The following TAFA4 variants were observed in gnomAD, a reference collection of about 807,000 sequenced individuals.
TAFA4 encodes chemokine-like protein TAFA-4.
A neutral mutation model predicts 21.1 loss-of-function variants in TAFA4; 20 were observed. That is an observed-to-expected ratio of 0.95 (90% CI 0.67 to 1.38). TAFA4 has a LOEUF of 1.38. Ranked by LOEUF, TAFA4 falls within the 40% of genes most tolerant of loss-of-function variation. TAFA4 has a pLI of 0.00. For synonymous variants in TAFA4, 71 were observed against 67.4 expected, an observed-to-expected ratio of 1.05 and a Z score of -0.26; for missense variants, 211 against 180.9, an observed-to-expected ratio of 1.17 and a Z score of -0.95.
rs1438101861 is a variant in TAFA4 at position 68,732,603 on chromosome 3, G to A, written c.*539C>T. The stretch of plus-strand genomic sequence containing the variant: ...AACTATGTCCTTCTATTCTTCAAGG[G>A]TTATAAAATAAACGTTCTTTACCAG... On this transcript the variant is annotated 3_prime_UTR_variant, in exon 6 of 6. Transcript: ENST00000295569. 6.5e-6 allele frequency: 1 copy of A among 152,712 alleles called. No individual in the cohort carries two copies. The highest frequency in any genetic ancestry group is 2.4e-5 in the African/African-American group (1 of 41,396). The allele number at this position is 152,712 out of a possible 1,614,324, so 9.5% of individuals were successfully genotyped here.
intron 2 of TAFA4, among the ~76,000 whole-genome samples, 188 bp downstream of exon 2, chr3:68,884,987 T>C (rs569917722): frequency 7.9e-5 from 12 of 152,366 alleles, no homozygotes; most frequent in Admixed American, 3.3e-4. Flanking sequence ...AGTACTATTT[T>C]GCAAACTGAA....
chr3:68,825,119 G>T (rs1704198404), intron 3 of TAFA4, among the ~76,000 whole-genome samples: 2 of 152,076 alleles, frequency 1.3e-5, no homozygotes, highest in Admixed American at 1.3e-4. Context: ...TTTCTTGAGG[G>T]TTTCCCTCTC....
intron 3 of TAFA4, among the ~76,000 whole-genome samples, chr3:68,807,811 T>C (rs1703735657): frequency 3.9e-5 from 6 of 152,052 alleles, no homozygotes; most frequent in Admixed American, 3.9e-4. Context: ...TTCACCAACC[T>C]AACACACCTT....
chr3:68,834,504 C>T (rs1704476529), intron 3 of TAFA4, among the ~76,000 whole-genome samples: 1 of 152,150 alleles, frequency 6.6e-6, no homozygotes, highest in African/African-American at 2.4e-5. Flanking sequence ...ATCATCATCA[C>T]CATCTTCTGT....
chr3:68,875,269 T>C (rs1271843210), intron 3 of TAFA4, among the ~76,000 whole-genome samples: 2 of 152,024 alleles, frequency 1.3e-5, no homozygotes, highest in African/African-American at 4.8e-5. Context: ...TGTTCTCATC[T>C]TTGGCTGCAG....
At chr3:68,911,969 C>G (rs1458494569) in intron 1 of TAFA4, among the ~76,000 whole-genome samples, 1 of 152,152 alleles carries the variant, frequency 6.6e-6, no homozygotes, top group African/African-American at 2.4e-5. Context: ...CCTCATAAGC[C>G]CCCTTGGATC....
chr3:68,871,461 G>A (rs1430293664), intron 3 of TAFA4, among the ~76,000 whole-genome samples: 1 of 152,078 alleles, frequency 6.6e-6, no homozygotes, highest in African/African-American at 2.4e-5. Flanking sequence ...TCTAACACCT[G>A]AAACTATGAA....
intron 3 of TAFA4, among the ~76,000 whole-genome samples, chr3:68,862,882 A>ACACAG (rs2089365040): frequency 9.9e-6 from 1 of 100,696 alleles, no homozygotes. Context: ...CACACACACA[A>ACACAG]TCATTTTGCT....
intron 3 of TAFA4, among the ~76,000 whole-genome samples, chr3:68,774,383 C>T (rs183310690): frequency 2.6e-4 from 40 of 152,152 alleles, no homozygotes; most frequent in Admixed American, 2.3e-3. Context: ...GCTCTTGAAC[C>T]GGAGGGAAAG....
intron 1 of TAFA4, among the ~76,000 whole-genome samples, chr3:68,907,142 A>G: frequency 6.6e-6 from 1 of 152,120 alleles, no homozygotes. Context: ...AAAGGTTTCA[A>G]TAACGTGATT....
intron 3 of TAFA4, among the ~76,000 whole-genome samples, chr3:68,801,887 T>A (rs1042292952): frequency 6.6e-6 from 1 of 152,146 alleles, no homozygotes; most frequent in African/African-American, 2.4e-5. Context: ...AATCCATTAA[T>A]TTGAATTTTG....
At chr3:68,909,094 G>C (rs1029711413) in intron 1 of TAFA4, among the ~76,000 whole-genome samples, 1 of 152,082 alleles carries the variant, frequency 6.6e-6, no homozygotes, top group African/African-American at 2.4e-5. Context: ...TCTGCTTGTA[G>C]CTTGGGGCTA....
intron 3 of TAFA4, among the ~76,000 whole-genome samples, chr3:68,808,926 A>G (rs370165997): frequency 1.3e-5 from 2 of 152,298 alleles, no homozygotes; most frequent in South Asian, 2.1e-4. Context: ...GCTGCTTATC[A>G]TGATAGTAGG....
chr3:68,872,669 G>C (rs2089497526), intron 3 of TAFA4, among the ~76,000 whole-genome samples: 1 of 152,036 alleles, frequency 6.6e-6, no homozygotes, highest in African/African-American at 2.4e-5. Flanking sequence ...GTACCCCAAA[G>C]ATATGCACAA....
At position 68,900,572 on chromosome 3, in the gene TAFA4, T is replaced by C. The variant is rs573480000; in HGVS notation, c.-122-15262A>G. Among the ~76,000 whole-genome samples, 11 of 152,218 alleles carry C rather than the reference T, an allele frequency of 7.2e-5. No individual in the cohort carries two copies. In the South Asian group the frequency reaches 2.3e-3, roughly 32 times the overall value. ...ACTCACTAGCTAAAATCCCAAATTTTAGTCTTTTCTTCTTGGTACTCTCTA... is the reference window on the plus strand; with the variant it reads ...ACTCACTAGCTAAAATCCCAAATTTCAGTCTTTTCTTCTTGGTACTCTCTA... On this transcript the variant is annotated intron_variant, in intron 1 of 5. Transcript: ENST00000295569.
chr3:68,759,188 TTTTA>T (rs1334048697), intron 3 of TAFA4, among the ~76,000 whole-genome samples: 3 of 152,192 alleles, frequency 2.0e-5, no homozygotes, highest in Non-Finnish European at 4.4e-5. Flanking sequence ...AGAGCAGCCT[TTTTA>T]TTCTATTCAG....
At chr3:68,738,686 T>G (rs1702287674) in intron 5 of TAFA4, among the ~76,000 whole-genome samples, 1 of 152,188 alleles carries the variant, frequency 6.6e-6, no homozygotes, top group African/African-American at 2.4e-5. Flanking sequence ...TGAATAAGAA[T>G]CTCCAACCAT....
intron 4 of TAFA4, among the ~76,000 whole-genome samples, chr3:68,740,748 C>T (rs1163905012): frequency 1.3e-5 from 2 of 152,090 alleles, no homozygotes; most frequent in African/African-American, 2.4e-5. Context: ...ACCTTTTTCC[C>T]TATGTTTTCT....
intron 3 of TAFA4, among the ~76,000 whole-genome samples, chr3:68,774,527 C>A (rs1421769366): frequency 1.3e-5 from 2 of 152,156 alleles, no homozygotes; most frequent in African/African-American, 2.4e-5. Context: ...GTTGAGCATT[C>A]CACCTGAATC....
Sources: allele counts gnomAD v4.1 joint callset (sites outside exome capture counted in the v4.1 genomes callset), GRCh38; gene constraint gnomAD v4.1.1; transcripts MANE v1.5; gene names NCBI Gene and HGNC (gene_info 2026-07-23, HGNC 2026-07-21).